Variants in PTPRN2 observed in about 807,000 individuals in gnomAD.
The protein encoded by PTPRN2 is protein tyrosine phosphatase receptor type N2.
A neutral mutation model predicts 118.8 loss-of-function variants in PTPRN2; 74 were observed. The ratio of observed to expected loss-of-function variants is 0.62; its 90% CI spans 0.52 to 0.76. PTPRN2 has a LOEUF of 0.76. Among genes scored for constraint, PTPRN2 ranks in the 30% least tolerant of loss-of-function variants. The pLI, the probability that PTPRN2 is intolerant of heterozygous loss-of-function variation, is 0.00. For synonymous variants in PTPRN2, 641 were observed against 608.0 expected (o/e 1.05, Z -0.80); for missense variants, 1,481 against 1,394.4 (o/e 1.06, Z -0.99).
intron 11 of PTPRN2, among the ~76,000 whole-genome samples, chr7:158,012,583 C>G (rs1057410321): frequency 6.6e-6 from 1 of 152,174 alleles, no homozygotes; most frequent in African/African-American, 2.4e-5. Context: ...GCTCTTATTA[C>G]CACCGCTTGA....
intron 11 of PTPRN2, among the ~76,000 whole-genome samples, chr7:158,033,598 T>G (rs577612981): frequency 2.0e-5 from 3 of 152,202 alleles, no homozygotes; most frequent in Non-Finnish European, 4.4e-5. Context: ...GGCTGGTGGG[T>G]GGGTTAAAGC....
At chr7:157,607,196 T>C (rs956265239) in intron 15 of PTPRN2, among the ~76,000 whole-genome samples, 1 of 152,326 alleles carries the variant, frequency 6.6e-6, no homozygotes, top group African/African-American at 2.4e-5. Context: ...AAAAACTGGT[T>C]GACTCTGACA....
intron 4 of PTPRN2, 109 bp from the exon 5 acceptor site, chr7:158,192,604 C>G: frequency 1.6e-6 from 2 of 1,284,104 alleles, no homozygotes; most frequent in Non-Finnish European, 2.1e-6. Flanking sequence ...GCCGGGCTCT[C>G]GGTGGCCGGC....
intron 3 of PTPRN2, among the ~76,000 whole-genome samples, chr7:158,290,130 C>T (rs1800020279): frequency 6.6e-6 from 1 of 152,044 alleles, no homozygotes; most frequent in African/African-American, 2.4e-5. Context: ...GTCCTGGATC[C>T]ACAAGGGTTG....
At chr7:158,152,547 T>C (rs546389914) in intron 6 of PTPRN2, among the ~76,000 whole-genome samples, 2 of 152,192 alleles carry the variant, frequency 1.3e-5, no homozygotes, top group African/African-American at 4.8e-5. Context: ...TTAAATGATA[T>C]AGAAGTGTGA....
At chr7:158,431,720 C>T (rs947534193) in intron 2 of PTPRN2, among the ~76,000 whole-genome samples, 1 of 148,658 alleles carries the variant, frequency 6.7e-6, no homozygotes, top group African/African-American at 2.5e-5. Context: ...CACATACTGG[C>T]TCACACTGGC....
chr7:158,363,580 CCAGA>C (rs1563202760), intron 2 of PTPRN2, among the ~76,000 whole-genome samples: 2 of 152,150 alleles, frequency 1.3e-5, no homozygotes, highest in African/African-American at 2.4e-5. Flanking sequence ...GTCACATTTC[CCAGA>C]CAAACATAAA....
At chr7:157,644,797 A>G (rs1268246201) in intron 14 of PTPRN2, among the ~76,000 whole-genome samples, 1 of 83,626 alleles carries the variant, frequency 1.2e-5, no homozygotes, top group Non-Finnish European at 3.1e-5. Context: ...CTCCATCTCA[A>G]AAAACAAAAA....
At chr7:158,207,776 C>A (rs1184757974) in intron 3 of PTPRN2, among the ~76,000 whole-genome samples, 1 of 152,076 alleles carries the variant, frequency 6.6e-6, no homozygotes, top group Non-Finnish European at 1.5e-5. Context: ...CATGACCTCA[C>A]CAAACGAACT....
chr7:157,848,659 C>A (rs1390686081), intron 12 of PTPRN2, among the ~76,000 whole-genome samples: 1 of 152,242 alleles, frequency 6.6e-6, no homozygotes, highest in African/African-American at 2.4e-5. Flanking sequence ...TGGGGCCCCA[C>A]CTGACAGAAA....
At chr7:157,911,407 C>G (rs1314177267) in intron 11 of PTPRN2, among the ~76,000 whole-genome samples, 1 of 152,214 alleles carries the variant, frequency 6.6e-6, no homozygotes, top group Non-Finnish European at 1.5e-5. Context: ...TGTGCACCTA[C>G]TGACATGTGT....
At chr7:158,328,208 C>T (rs1460043004) in intron 2 of PTPRN2, among the ~76,000 whole-genome samples, 1 of 152,088 alleles carries the variant, frequency 6.6e-6, no homozygotes, top group Non-Finnish European at 1.5e-5. Context: ...TTCCAGGAGG[C>T]CAAAGGTGAA....
At chr7:158,103,901 T>C (rs908324917) in intron 10 of PTPRN2, among the ~76,000 whole-genome samples, 3 of 152,120 alleles carry the variant, frequency 2.0e-5, no homozygotes, top group African/African-American at 7.2e-5. Flanking sequence ...CTTGCTCTGT[T>C]GCCCAGGCTG....
chr7:157,912,936 G>A (rs1040489147), intron 11 of PTPRN2, among the ~76,000 whole-genome samples: 2 of 152,086 alleles, frequency 1.3e-5, no homozygotes, highest in African/African-American at 4.8e-5. Context: ...TTGGCTCTTT[G>A]TACTTATACA....
chr7:158,412,560 G>A (rs112270176), intron 2 of PTPRN2, among the ~76,000 whole-genome samples: 4 of 106,638 alleles, frequency 3.8e-5, no homozygotes, highest in Admixed American at 1.9e-4. Context: ...ACCCTCCTCA[G>A]CACCAGGGCC....
chr7:158,265,843 G>C (rs1243438746), intron 3 of PTPRN2, among the ~76,000 whole-genome samples: 1 of 152,252 alleles, frequency 6.6e-6, no homozygotes, highest in Non-Finnish European at 1.5e-5. Context: ...CTGCCTTTGG[G>C]TGGAGGCCCA....
chr7:158,091,483 T>G (rs1814119554), intron 10 of PTPRN2, among the ~76,000 whole-genome samples: 1 of 152,266 alleles, frequency 6.6e-6, no homozygotes, highest in African/African-American at 2.4e-5. Flanking sequence ...TTTATTTTAC[T>G]AGCATGCTCT....
chr7:158,587,247 C>T (rs1227344469), intron 1 of PTPRN2, among the ~76,000 whole-genome samples: 16 of 120,294 alleles, frequency 1.3e-4, no homozygotes, highest in Non-Finnish European at 2.5e-4. Flanking sequence ...AGGCGCCCCT[C>T]CCCCCACGCC....
At chr7:157,983,429 G>A (rs1226962304) in intron 11 of PTPRN2, among the ~76,000 whole-genome samples, 2 of 152,040 alleles carry the variant, frequency 1.3e-5, no homozygotes, top group Admixed American at 6.5e-5. Flanking sequence ...TCATAGAGAT[G>A]AGGAGGGGAA....
Sources: allele counts gnomAD v4.1 joint callset (sites outside exome capture counted in the v4.1 genomes callset), GRCh38; gene constraint gnomAD v4.1.1; transcripts MANE v1.5; gene names NCBI Gene and HGNC (gene_info 2026-07-23, HGNC 2026-07-21).